BLM: variants seen among roughly 807,000 people sequenced by gnomAD.
BLM encodes recQ-like DNA helicase BLM.
Under a neutral mutation model 135.3 loss-of-function variants are expected in BLM, and 95 were observed. The ratio of observed to expected loss-of-function variants is 0.70; its 90% confidence interval spans 0.59 to 0.83. The LOEUF (loss-of-function observed/expected upper bound fraction) is 0.83. BLM is among the 40% of genes least tolerant of loss of function. The pLI is 0.00. For missense variants in BLM, 1,518 were observed against 1,663.9 expected (o/e 0.91, Z 1.53); for synonymous variants, 520 against 589.2 (o/e 0.88, Z 1.70).
At chr15:90,759,620 TTG>T (rs1225957551) in intron 5 of BLM, among the ~76,000 whole-genome samples, 3 of 151,734 alleles carry the variant, frequency 2.0e-5, no homozygotes, top group Admixed American at 6.6e-5. Context: ...TTTCTTTTTT[TTG>T]TGAGACAAAG....
chr15:90,792,558 C>G (rs1427016830), intron 15 of BLM, among the ~76,000 whole-genome samples: 5 of 152,104 alleles, frequency 3.3e-5, no homozygotes, highest in Admixed American at 3.3e-4. Context: ...AAAAAGTGAG[C>G]TTCGGAAAGG....
chr15:90,723,890 A>C (rs1350314825), intron 1 of BLM, among the ~76,000 whole-genome samples: 1 of 152,130 alleles, frequency 6.6e-6, no homozygotes. Context: ...GTTGCAGTGG[A>C]ATCATGTAGT....
intron 14 of BLM, among the ~76,000 whole-genome samples, chr15:90,786,227 A>T (rs1896746094): frequency 6.6e-6 from 1 of 151,974 alleles, no homozygotes; most frequent in African/African-American, 2.4e-5. Flanking sequence ...GGCTCAAGTG[A>T]TAATCCTGCC....
chr15:90,769,490 A>C lies in BLM; in HGVS notation c.2459A>C (p.Lys820Thr). 6.2e-7 allele frequency: 1 copy of C among 1,614,144 alleles called. No individual in the cohort carries two copies. The highest frequency in any genetic ancestry group is 2.2e-5 in the East Asian group (1 of 44,890). Residue 820 changes from lysine to threonine, a missense_variant, in exon 12 of 22, where the codon AAG (lysine) becomes ACG (threonine). Coordinates refer to ENST00000355112, the MANE Select transcript of BLM (RefSeq NM_000057.4). ...DYKRMNMLRQ[K>T]FPSVPVMALT... is the part of the protein sequence containing the mutation. ...AAAAGAATGAATATGCTTCGCCAGA[A>C]GTTTCCTTCTGTTCCGGTGATGGCT... is the stretch of plus-strand genomic sequence containing the variant.
At chr15:90,791,493 G>C (rs1166593140) in intron 15 of BLM, among the ~76,000 whole-genome samples, 4 of 151,868 alleles carry the variant, frequency 2.6e-5, no homozygotes, top group African/African-American at 9.7e-5. Flanking sequence ...TGACTACCTA[G>C]AATTCCGTAG....
At chr15:90,798,422 T>C (rs1897085890) in intron 17 of BLM, 85 bp downstream of exon 17, 1 of 1,427,032 alleles carries the variant, frequency 7.0e-7, no homozygotes, top group Non-Finnish European at 9.6e-7. Flanking sequence ...AGAAAAACTT[T>C]TTGTCTATTT....
intron 1 of BLM, among the ~76,000 whole-genome samples, chr15:90,730,968 C>G (rs967487476): frequency 3.3e-5 from 5 of 150,878 alleles, no homozygotes; most frequent in African/African-American, 9.8e-5. Context: ...TCCTTTTAGA[C>G]AGGGTCTCAC....
intron 12 of BLM, among the ~76,000 whole-genome samples, chr15:90,770,205 GCT>G (rs1359177406): frequency 1.6e-5 from 2 of 124,626 alleles, no homozygotes; most frequent in Non-Finnish European, 3.1e-5. Context: ...ATGGAGTCTC[GCT>G]CTGTCGCCCA....
At chr15:90,755,846 C>T (rs763231481) in intron 5 of BLM, among the ~76,000 whole-genome samples, 1 of 152,102 alleles carries the variant, frequency 6.6e-6, no homozygotes, top group Non-Finnish European at 1.5e-5. Context: ...TCTTTGTTCT[C>T]TGGATATCTC....
At chr15:90,786,211 C>T (rs576479383) in intron 14 of BLM, among the ~76,000 whole-genome samples, 1 of 152,160 alleles carries the variant, frequency 6.6e-6, no homozygotes, top group Admixed American at 6.5e-5. Context: ...TGGTCTTGAA[C>T]TCCTGGGCTC....
chr15:90,806,221 T>C (rs1056591637), intron 19 of BLM, among the ~76,000 whole-genome samples: 4 of 152,100 alleles, frequency 2.6e-5, no homozygotes, highest in Non-Finnish European at 4.4e-5. Context: ...AATTGTAATA[T>C]TGTAATGGGC....
chr15:90,795,526 A>G (rs2283448), intron 16 of BLM, among the ~76,000 whole-genome samples: 56,602 of 152,042 alleles, frequency 0.37, 12,022 homozygotes, highest in African/African-American at 0.59. Flanking sequence ...TAAAAAATAC[A>G]GAGCACAGGG....
At chr15:90,727,648 T>C (rs929867752) in intron 1 of BLM, among the ~76,000 whole-genome samples, 2 of 152,150 alleles carry the variant, frequency 1.3e-5, no homozygotes, top group Admixed American at 6.6e-5. Context: ...GGCAGAAACA[T>C]TGCACACACA....
chr15:90,806,607 A>G (rs1009215141), intron 19 of BLM, among the ~76,000 whole-genome samples: 4 of 151,984 alleles, frequency 2.6e-5, no homozygotes, highest in African/African-American at 9.7e-5. Flanking sequence ...GCACACTGCT[A>G]TGTCTTTAGT....
chr15:90,753,887 A>G (rs1302638521), intron 4 of BLM, among the ~76,000 whole-genome samples: 1 of 152,238 alleles, frequency 6.6e-6, no homozygotes, highest in Non-Finnish European at 1.5e-5. Context: ...TTAATGAGTC[A>G]AACCAACAAT....
chr15:90,745,988 G>A (rs1253906859), intron 1 of BLM, among the ~76,000 whole-genome samples: 1 of 152,136 alleles, frequency 6.6e-6, no homozygotes, highest in Non-Finnish European at 1.5e-5. Context: ...TGAGGTGGGA[G>A]GATCACTTGA....
intron 16 of BLM, among the ~76,000 whole-genome samples, chr15:90,795,546 G>A (rs1460228032): frequency 2.0e-5 from 3 of 152,008 alleles, no homozygotes; most frequent in Non-Finnish European, 4.4e-5. Context: ...GCAGAACAGA[G>A]GGTAGTCTCT....
At position 90,803,905 on chromosome 15, in the gene BLM, C is replaced by A. The variant is rs28385139; in HGVS notation, c.3558+185C>A. On this transcript the variant is annotated intron_variant, in intron 18 of 21. Transcript: ENST00000355112. ...AAAATTCAACCCAAGTAATATGACA[C>A]CTGTCAAAAGTAATTTAATGGGTTA... is the stretch of plus-strand genomic sequence containing the variant. 0.15 allele frequency among the ~76,000 whole-genome samples: 23,384 copies of A among 152,012 alleles called. 1,913 individuals carry two copies. Among genetic ancestry groups the A allele is most frequent in the Non-Finnish European group, 0.19 (12,720 of 67,970 alleles).
chr15:90,808,472 G>A (rs1422661522), intron 19 of BLM, among the ~76,000 whole-genome samples: 9 of 152,104 alleles, frequency 5.9e-5, no homozygotes, highest in Non-Finnish European at 1.3e-4. Context: ...ATCCTCACTC[G>A]CTCCTGCAAT....
Sources: gnomAD v4.1 joint callset for allele counts (sites outside exome capture counted in the v4.1 genomes callset) on GRCh38, gnomAD v4.1.1 for gene constraint, MANE v1.5 for transcripts, NCBI Gene and HGNC (gene_info 2026-07-23, HGNC 2026-07-21) for gene names.